The following OTOGL variants were observed in gnomAD, a reference collection of about 807,000 sequenced individuals.
OTOGL encodes otogelin-like protein.
In OTOGL, 285 loss-of-function variants were observed where a neutral mutation model predicts 318.5. That is an observed-to-expected ratio of 0.89 (90% confidence interval 0.81 to 0.99). The LOEUF (loss-of-function observed/expected upper bound fraction) is 0.99, where lower values mean the gene tolerates loss of function less well. OTOGL is among the 50% of genes least tolerant of loss of function. OTOGL has a pLI of 0.00. For synonymous variants in OTOGL, 987 were observed against 936.5 expected, an observed-to-expected ratio of 1.05 and a Z score of -0.99; for missense variants, 2,899 against 2,845.6, an observed-to-expected ratio of 1.02 and a Z score of -0.43.
intron 48 of OTOGL, 32 bp downstream of exon 48, chr12:80,356,552 G>A (rs369446288): frequency 1.3e-4 from 188 of 1,468,728 alleles, no homozygotes; most frequent in Non-Finnish European, 1.7e-4. Context: ...TTAAGAGTGA[G>A]GTTCATTGTT....
rs189319514 is a variant in OTOGL at position 80,209,175 on chromosome 12, G to T, written c.-19-238G>T. ...AAAAAGGCCTATGATGTGCAGGTGT[G>T]GGTGTAACTAATACGGGCTCAGGTA... is the stretch of plus-strand genomic sequence containing the variant. On this transcript the variant is annotated intron_variant, in intron 1 of 58. Coordinates refer to ENST00000547103, the MANE Select transcript of OTOGL (RefSeq NM_001378609.3). Among the ~76,000 whole-genome samples, 12 of 152,216 alleles carry T rather than the reference G, an allele frequency of 7.9e-5. No homozygotes were observed. In the East Asian group the frequency reaches 2.1e-3, roughly 27 times the overall value.
intron 1 of OTOGL, among the ~76,000 whole-genome samples, chr12:80,148,731 T>A (rs1872571542): frequency 6.6e-6 from 1 of 152,218 alleles, no homozygotes; most frequent in African/African-American, 2.4e-5. Flanking sequence ...AGTCCCATAT[T>A]TCTTGGAGGC....
At chr12:80,370,819 TA>T in intron 56 of OTOGL, 130 bp downstream of exon 56, 1 of 668,988 alleles carries the variant, frequency 1.5e-6, no homozygotes, top group East Asian at 3.4e-5. Flanking sequence ...CATGAATGAA[TA>T]AAAGCTCTGT....
At chr12:80,328,963 C>T (rs893705692) in intron 36 of OTOGL, 88 bp from the exon 37 acceptor site, 129 of 1,256,476 alleles carry the variant, frequency 1.0e-4, no homozygotes, top group Non-Finnish European at 1.3e-4. Context: ...AAAACATTTT[C>T]CTTGAAGCTA....
chr12:80,377,779 A>T, intron 58 of OTOGL, 69 bp from the exon 59 acceptor site: 1 of 1,190,190 alleles, frequency 8.4e-7, no homozygotes, highest in Non-Finnish European at 1.2e-6. Context: ...AGATTTTCTT[A>T]GTGGAATCAA....
intron 7 of OTOGL, among the ~76,000 whole-genome samples, chr12:80,223,300 A>G (rs932559480): frequency 6.6e-6 from 1 of 151,668 alleles, no homozygotes; most frequent in African/African-American, 2.4e-5. Context: ...ATATGTATAT[A>G]TATCATATTT....
In OTOGL at chr12:80,244,172, C is replaced by CT. The variant is rs1190173197; in HGVS notation, c.1052+4746dup. ...CGAAAGTCCTATTTTTTCTTTTTTTCTTTTTTTTTTTTTATACTTTAAGTT... is the reference window on the plus strand; with the variant it reads ...CGAAAGTCCTATTTTTTCTTTTTTTCTTTTTTTTTTTTTTATACTTTAAGTT... On this transcript the variant is annotated intron_variant, in intron 11 of 58. Transcript: ENST00000547103. Among the ~76,000 whole-genome samples, 728 of 141,806 alleles carry CT rather than the reference C, an allele frequency of 5.1e-3. 10 individuals are homozygous for CT. Among genetic ancestry groups the CT allele is most frequent in the African/African-American group, 0.014 (538 of 39,174 alleles). 93.0% of individuals were successfully genotyped at this position (141,806 alleles called of 152,430 possible). A position where few individuals can be genotyped will look rare whatever the true frequency, so the allele number is the denominator to read the frequency against.
In OTOGL at chr12:80,360,247, C is replaced by T. The variant is rs961341874; in HGVS notation, c.6267+1347C>T. Among the ~76,000 whole-genome samples the T allele has an allele frequency of 3.9e-5, 6 of 152,064 alleles. No homozygotes were observed. In the South Asian group the frequency reaches 6.2e-4, roughly 16 times the overall value. ...TATTAGTTTTTTTGACACATTAAAA[C>T]GTAAATTTCTTAATTTTTTTTCCCT... is the stretch of plus-strand genomic sequence containing the variant. On this transcript the variant is annotated intron_variant, in intron 52 of 58. Transcript: ENST00000547103.
intron 1 of OTOGL, among the ~76,000 whole-genome samples, chr12:80,201,267 A>G (rs1876432401): frequency 6.6e-6 from 1 of 152,162 alleles, no homozygotes. Context: ...TTACAAAGAA[A>G]AGAGGCTTAT....
At chr12:80,204,631 T>C (rs1228571547) in intron 1 of OTOGL, among the ~76,000 whole-genome samples, 1 of 152,128 alleles carries the variant, frequency 6.6e-6, no homozygotes, top group Non-Finnish European at 1.5e-5. Flanking sequence ...TTTAATAATA[T>C]GGCAGATTAC....
At chr12:80,207,758 G>A (rs762891428) in intron 1 of OTOGL, among the ~76,000 whole-genome samples, 1 of 152,098 alleles carries the variant, frequency 6.6e-6, no homozygotes, top group African/African-American at 2.4e-5. Context: ...AAAATATTTT[G>A]TTGGGGAAAA....
At chr12:80,161,157 C>A (rs900064037) in intron 1 of OTOGL, among the ~76,000 whole-genome samples, 4 of 151,950 alleles carry the variant, frequency 2.6e-5, no homozygotes, top group African/African-American at 9.6e-5. Context: ...ATGGGTATAC[C>A]AGAATCTCAC....
Position 80,379,675 on chromosome 12 carries a change from A to G in OTOGL, c.*1627A>G, listed in dbSNP as rs1264115409. On this transcript the variant is annotated 3_prime_UTR_variant, in exon 59 of 59. Transcript: ENST00000547103. ...TTCAAATAGAAGTAACTAATGTTGT[A>G]TATTATCTATTGCCCATTTTTATTT... 1 of 151,952 alleles carries G rather than the reference A, an allele frequency of 6.6e-6. No individual in the cohort carries two copies. The highest frequency in any genetic ancestry group is 1.5e-5 in the Non-Finnish European group (1 of 67,870). The allele number at this position is 151,952 out of a possible 1,614,324, so 9.4% of individuals were successfully genotyped here. A position where few individuals can be genotyped will look rare whatever the true frequency, so the allele number is the denominator to read the frequency against.
At chr12:80,339,322 T>TTTTC in intron 43 of OTOGL, 58 bp downstream of exon 43, 1 of 1,316,094 alleles carries the variant, frequency 7.6e-7, no homozygotes, top group Non-Finnish European at 1.0e-6. Context: ...TTTTTTTTTT[T>TTTTC]TCTATTCACG....
intron 1 of OTOGL, among the ~76,000 whole-genome samples, chr12:80,145,750 G>C (rs1872309913): frequency 6.6e-6 from 1 of 151,894 alleles, no homozygotes; most frequent in Non-Finnish European, 1.5e-5. Context: ...GTGGTTTGTA[G>C]TTCTCCTTGA....
chr12:80,136,350 C>T (rs988801076), intron 1 of OTOGL, among the ~76,000 whole-genome samples: 2 of 152,166 alleles, frequency 1.3e-5, no homozygotes, highest in African/African-American at 2.4e-5. Flanking sequence ...AGAGTCCAAC[C>T]ACCTTTGCTC....
chr12:80,144,429 C>T (rs1241841968), intron 1 of OTOGL, among the ~76,000 whole-genome samples: 1 of 150,086 alleles, frequency 6.7e-6, no homozygotes, highest in Non-Finnish European at 1.5e-5. Context: ...TGTATATGTG[C>T]CACATTTTCT....
intron 57 of OTOGL, 103 bp from the exon 58 acceptor site, chr12:80,377,020 T>C (rs1290959274): frequency 1.7e-5 from 12 of 695,416 alleles, no homozygotes; most frequent in Non-Finnish European, 2.0e-5. Context: ...ATATATTTTA[T>C]ATAAATACAC....
intron 32 of OTOGL, among the ~76,000 whole-genome samples, chr12:80,315,572 T>A (rs1428120229): frequency 6.6e-6 from 1 of 152,152 alleles, no homozygotes; most frequent in Non-Finnish European, 1.5e-5. Flanking sequence ...AGTAAATGGG[T>A]GAACTCTGGA....
Sources: allele counts gnomAD v4.1 joint callset (sites outside exome capture counted in the v4.1 genomes callset), GRCh38; gene constraint gnomAD v4.1.1; transcripts MANE v1.5; gene names NCBI Gene and HGNC (gene_info 2026-07-23, HGNC 2026-07-21).